TMEM132D: variants seen among roughly 807,000 people sequenced by gnomAD.
The protein encoded by TMEM132D is transmembrane protein 132D.
Under a neutral mutation model 62.3 loss-of-function variants are expected in TMEM132D, and 21 were observed. The observed-to-expected ratio is 0.34, with a 90% CI of 0.24 to 0.49. The LOEUF is 0.49. TMEM132D is among the 20% of genes least tolerant of loss of function. TMEM132D has a pLI of 0.99. For synonymous variants in TMEM132D, 621 were observed against 575.6 expected (o/e 1.08, Z -1.13); for missense variants, 1,346 against 1,402.8 (o/e 0.96, Z 0.65).
intron 2 of TMEM132D, among the ~76,000 whole-genome samples, chr12:129,686,922 A>G (rs889708854): frequency 3.3e-5 from 5 of 152,228 alleles, no homozygotes; most frequent in African/African-American, 9.6e-5. Flanking sequence ...ATGTTTCTAC[A>G]CGCTTTTCGG....
rs977079359 is a variant in TMEM132D at position 129,839,067 on chromosome 12, C to T, written c.79+64194G>A. Among the ~76,000 whole-genome samples the T allele has an allele frequency of 1.1e-4, 15 of 139,098 alleles. No individual in the cohort carries two copies. In the East Asian group the frequency reaches 1.1e-3, roughly 10 times the overall value. The allele number at this position is 139,098 out of a possible 152,430, so 91.3% of individuals were successfully genotyped here. ...CCGGTTTTGAGAGATTCTCCTTCCT[C>T]GGCTTCCCAATTAGCTGGGATTACA... is the stretch of plus-strand genomic sequence containing the variant. On this transcript the variant is annotated intron_variant, in intron 1 of 8. Coordinates refer to ENST00000422113, the MANE Select transcript of TMEM132D (RefSeq NM_133448.3).
chr12:129,350,058 G>A (rs950142315), intron 3 of TMEM132D, among the ~76,000 whole-genome samples: 2 of 152,144 alleles, frequency 1.3e-5, no homozygotes, highest in Non-Finnish European at 2.9e-5. Context: ...GCCTTATTAC[G>A]GGTTCGAGTG....
chr12:129,758,426 T>A (rs1870242119), intron 1 of TMEM132D, among the ~76,000 whole-genome samples: 1 of 152,312 alleles, frequency 6.6e-6, no homozygotes, highest in Non-Finnish European at 1.5e-5. Flanking sequence ...CAATTCCTCC[T>A]TAATAAAATT....
chr12:129,526,289 AT>A (rs937812065), intron 3 of TMEM132D, among the ~76,000 whole-genome samples: 86 of 151,464 alleles, frequency 5.7e-4, no homozygotes, highest in African/African-American at 2.0e-3. Context: ...TTTTTTTCTT[AT>A]TTTTTTCCTC....
intron 5 of TMEM132D, among the ~76,000 whole-genome samples, chr12:129,125,323 C>T (rs530712589): frequency 2.6e-5 from 4 of 152,164 alleles, no homozygotes; most frequent in African/African-American, 9.7e-5. Context: ...TTCAGAATTT[C>T]ACCAGAATTG....
intron 3 of TMEM132D, among the ~76,000 whole-genome samples, chr12:129,390,469 C>A (rs935729501): frequency 2.0e-5 from 3 of 152,178 alleles, no homozygotes; most frequent in African/African-American, 7.2e-5. Flanking sequence ...CCAGAAACAG[C>A]TTTCTGATCT....
At chr12:129,810,211 A>G (rs1201713371) in intron 1 of TMEM132D, among the ~76,000 whole-genome samples, 1 of 152,198 alleles carries the variant, frequency 6.6e-6, no homozygotes, top group Admixed American at 6.5e-5. Context: ...TAGCGAAGAC[A>G]AGAAACCCAT....
At chr12:129,602,941 TA>T (rs1878520681) in intron 2 of TMEM132D, among the ~76,000 whole-genome samples, 1 of 152,110 alleles carries the variant, frequency 6.6e-6, no homozygotes, top group Non-Finnish European at 1.5e-5. Context: ...AAGCCCCTAA[TA>T]AAACCATTAG....
intron 3 of TMEM132D, among the ~76,000 whole-genome samples, chr12:129,410,793 G>T (rs999682287): frequency 6.6e-6 from 1 of 152,062 alleles, no homozygotes; most frequent in Admixed American, 6.6e-5. Context: ...CATTACATGT[G>T]CATACTTTAC....
chr12:129,113,336 A>T (rs1329093633), intron 5 of TMEM132D: 1 of 152,222 alleles, frequency 6.6e-6, no homozygotes, highest in East Asian at 1.9e-4. Flanking sequence ...TCCAGGGGGC[A>T]GATGGACCTA....
intron 5 of TMEM132D, among the ~76,000 whole-genome samples, chr12:129,185,462 A>G (rs1878193350): frequency 6.6e-6 from 1 of 152,188 alleles, no homozygotes; most frequent in African/African-American, 2.4e-5. Context: ...TATTTTTCCC[A>G]GTTGTTTAGA....
intron 4 of TMEM132D, among the ~76,000 whole-genome samples, chr12:129,230,799 G>A (rs1879617465): frequency 6.6e-6 from 1 of 152,176 alleles, no homozygotes; most frequent in African/African-American, 2.4e-5. Flanking sequence ...AATCTGCTCT[G>A]CTAACAGTAT....
intron 1 of TMEM132D, among the ~76,000 whole-genome samples, chr12:129,740,518 T>C (rs1869568080): frequency 6.6e-6 from 1 of 152,218 alleles, no homozygotes; most frequent in Non-Finnish European, 1.5e-5. Context: ...TCCATGTCTA[T>C]CTGACTAGCT....
In TMEM132D at chr12:129,473,324, GTTTT is replaced by G. The variant is rs751523415; in HGVS notation, c.1115+57731_1115+57734del. Among the ~76,000 whole-genome samples the G allele has an allele frequency of 6.1e-5, 5 of 81,554 alleles. No individual in the cohort carries two copies. In the East Asian group the frequency reaches 1.3e-3, roughly 21 times the overall value. The allele number at this position is 81,554 out of a possible 152,430, so 53.5% of individuals were successfully genotyped here. On this transcript the variant is annotated intron_variant, in intron 3 of 8. Coordinates refer to ENST00000422113, the MANE Select transcript of TMEM132D (RefSeq NM_133448.3). ...TGGCAATAAAGTGATTTTAGTTTTT[GTTTT>G]TTTTTTTTTTTTTTTTTTGAGACCA... is the stretch of plus-strand genomic sequence containing the variant.
chr12:129,640,979 A>C (rs1879628089), intron 2 of TMEM132D, among the ~76,000 whole-genome samples: 2 of 152,150 alleles, frequency 1.3e-5, no homozygotes, highest in African/African-American at 4.8e-5. Context: ...TCACCCTCAG[A>C]TGGGACCATT....
intron 8 of TMEM132D, among the ~76,000 whole-genome samples, chr12:129,077,246 A>G (rs930951510): frequency 4.6e-5 from 7 of 152,128 alleles, no homozygotes; most frequent in Non-Finnish European, 7.4e-5. Context: ...CTGGTACCTC[A>G]CCCTGCCGAG....
intron 2 of TMEM132D, among the ~76,000 whole-genome samples, chr12:129,543,751 T>C (rs1207943870): frequency 6.6e-6 from 1 of 152,202 alleles, no homozygotes; most frequent in Admixed American, 6.5e-5. Context: ...GCTAAGGCCA[T>C]CCACACAAAT....
chr12:129,208,307 T>C (rs1228892797), intron 5 of TMEM132D, among the ~76,000 whole-genome samples: 2 of 152,154 alleles, frequency 1.3e-5, no homozygotes, highest in East Asian at 3.9e-4. Context: ...AAGATGAGCC[T>C]AGATATTGGC....
chr12:129,477,304 C>T lies in TMEM132D; in HGVS notation c.1115+53755G>A, dbSNP rs1264979388. On this transcript the variant is annotated intron_variant, in intron 3 of 8. Transcript: ENST00000422113. ...AGCTGACTCTTCAGTTCCTTTAAGACCCCCCTCCTCATCCTGTGTTTTGTA... is the reference window on the plus strand; with the variant it reads ...AGCTGACTCTTCAGTTCCTTTAAGATCCCCCTCCTCATCCTGTGTTTTGTA... 6.6e-5 allele frequency among the ~76,000 whole-genome samples: 10 copies of T among 152,240 alleles called. No individual in the cohort carries two copies. The East Asian group carries it at 7.7e-4, about 12-fold the overall frequency.
Sources: gnomAD v4.1 joint callset for allele counts (sites outside exome capture counted in the v4.1 genomes callset) on GRCh38, gnomAD v4.1.1 for gene constraint, MANE v1.5 for transcripts, NCBI Gene and HGNC (gene_info 2026-07-23, HGNC 2026-07-21) for gene names.